The following SSPN variants were observed in gnomAD, a reference collection of about 807,000 sequenced individuals.
SSPN encodes sarcospan.
SSPN carries 15 observed loss-of-function variants against 19.1 expected under a neutral mutation model. The ratio of observed to expected loss-of-function variants is 0.78; its 90% CI spans 0.52 to 1.21. The LOEUF is 1.21. Among genes scored for constraint, SSPN ranks in the 50% most tolerant of loss-of-function variants. SSPN has a pLI of 0.00. For synonymous variants in SSPN, 147 were observed against 140.3 expected, an observed-to-expected ratio of 1.05 and a Z score of -0.34; for missense variants, 291 against 314.0, an observed-to-expected ratio of 0.93 and a Z score of 0.55.
rs1380318881 is a variant in SSPN, at chr12:26,231,849, A to G, written c.*773A>G. The G allele has an allele frequency of 3.9e-6, 3 of 776,406 alleles. No individual in the cohort carries two copies. The highest frequency in any genetic ancestry group is 4.7e-6 in the Non-Finnish European group (3 of 639,428). The allele number at this position is 776,406 out of a possible 1,614,324, so 48.1% of individuals were successfully genotyped here. A position where few individuals can be genotyped will look rare whatever the true frequency, so the allele number is the denominator to read the frequency against. Reference sequence around the variant, plus strand: ...ATTCTATCATCTAAAACAAATCATTAAAACTAATTTCTAGCTAATTGTTAA... The same window carrying G: ...ATTCTATCATCTAAAACAAATCATTGAAACTAATTTCTAGCTAATTGTTAA... On this transcript the variant is annotated 3_prime_UTR_variant, in exon 3 of 3. Transcript: ENST00000242729.
At position 26,171,762 on chromosome 12, in the gene SSPN, A is replaced by G. The variant is rs1591860421; in HGVS notation, c.-31+49610A>G. 2.0e-5 allele frequency among the ~76,000 whole-genome samples: 3 copies of G among 152,244 alleles called. No homozygotes were observed. In the South Asian group the frequency reaches 6.2e-4, roughly 31 times the overall value. ...TTTAATACAATAAGTATCAATAGAT[A>G]TAATTCACATAAACAAAATATCTTT... On this transcript the variant is annotated intron_variant, in intron 1 of 2. Transcript: ENST00000538142.
At chr12:26,122,988 G>C in intron 1 of SSPN, 1 of 1,566,012 alleles carries the variant, frequency 6.4e-7, no homozygotes, top group African/African-American at 1.4e-5. Context: ...CAGCTGCGGG[G>C]TGGGCAAGAA....
In SSPN at chr12:26,231,200, A is replaced by ATT; in HGVS notation, c.*128_*129dup. ...ATAAAAGTCACTCTTCTAATTGAAT[A>ATT]TTTTTATATTTTTATGAAACAAAAG... On this transcript the variant is annotated 3_prime_UTR_variant, in exon 3 of 3. Transcript: ENST00000242729. 7.9e-7 allele frequency: 1 copy of ATT among 1,260,578 alleles called. No homozygotes were observed. The highest frequency in any genetic ancestry group is 3.1e-5 in the Admixed American group (1 of 31,852). 78.1% of individuals were successfully genotyped at this position (1,260,578 alleles called of 1,614,324 possible).
intron 1 of SSPN, among the ~76,000 whole-genome samples, chr12:26,215,969 G>A (rs574502633): frequency 6.6e-6 from 1 of 152,274 alleles, no homozygotes; most frequent in East Asian, 1.9e-4. Context: ...TGTATATCTA[G>A]CCTTTTACAT....
At position 26,213,268 on chromosome 12, in the gene SSPN, A is replaced by G. The variant is rs189175906; in HGVS notation, c.280-11025A>G. Among the ~76,000 whole-genome samples the G allele has an allele frequency of 2.3e-3, 324 of 140,468 alleles. 1 individual carries two copies. In the South Asian group the frequency reaches 0.025, roughly 11 times the overall value. 92.2% of individuals were successfully genotyped at this position (140,468 alleles called of 152,430 possible). A position where few individuals can be genotyped will look rare whatever the true frequency, so the allele number is the denominator to read the frequency against. Reference sequence around the variant, plus strand: ...GATTATATATAGGTTTGTAACAGAAATAAAAAGAGTCAGGAAAAGAAGTTT... The same window carrying G: ...GATTATATATAGGTTTGTAACAGAAGTAAAAAGAGTCAGGAAAAGAAGTTT... On this transcript the variant is annotated intron_variant, in intron 1 of 2. Transcript: ENST00000242729.
intron 1 of SSPN, among the ~76,000 whole-genome samples, chr12:26,207,196 G>T (rs1036695144): frequency 4.4e-4 from 67 of 152,144 alleles, no homozygotes; most frequent in Non-Finnish European, 1.8e-4. Flanking sequence ...AAAAATATTT[G>T]GTAATGATTT....
chr12:26,168,142 G>A (rs1163899601), intron 1 of SSPN, among the ~76,000 whole-genome samples: 2 of 150,822 alleles, frequency 1.3e-5, no homozygotes, highest in Admixed American at 1.3e-4. Context: ...GAGCCAGGGA[G>A]GTTGAGTCTG....
chr12:26,177,939 A>G (rs934192319), intron 1 of SSPN, among the ~76,000 whole-genome samples: 3 of 152,156 alleles, frequency 2.0e-5, no homozygotes, highest in Non-Finnish European at 4.4e-5. Context: ...ATATTCTCAT[A>G]TGAATGGTCC....
chr12:26,122,282 CGCGGCGGCG>C (rs909227356), intron 1 of SSPN: 11 of 1,202,354 alleles, frequency 9.1e-6, no homozygotes, highest in Middle Eastern at 3.3e-4. Flanking sequence ...GGCAGGGGAA[CGCGGCGGCG>C]GCGGCGGCAG....
chr12:26,176,725 C>T (rs1438659617), intron 1 of SSPN, among the ~76,000 whole-genome samples: 3 of 152,200 alleles, frequency 2.0e-5, no homozygotes, highest in Non-Finnish European at 2.9e-5. Context: ...ATGGGAACAT[C>T]GTCTCCCCCA....
intron 1 of SSPN, chr12:26,181,309 G>A (rs755095808): frequency 2.6e-5 from 4 of 152,026 alleles, no homozygotes; most frequent in Non-Finnish European, 5.9e-5. Flanking sequence ...GTCTTTATCA[G>A]AATTCTGCGT....
rs765608562 is a variant in SSPN at position 26,195,823 on chromosome 12, C to T, written c.151C>T (p.Arg51Trp). The change falls in exon 1 of 3, where the codon CGG (arginine) becomes TGG (tryptophan). Residue 51 changes from arginine (R) to tryptophan (W), a missense_variant. By Grantham distance (101) the Arg-to-Trp change is moderately radical (BLOSUM62 -3). This residue lies in a region of SSPN where 139 missense variants were observed against 119.6 expected (regional missense o/e 1.16). Transcript: ENST00000242729. Reference protein sequence around the residue: ...EEEPRTCCGCRFPLLLALLQL... With the variant: ...EEEPRTCCGCWFPLLLALLQL... ...GGAGCCCCGGACCTGCTGCGGCTGC[C>T]GGTTCCCGCTGCTGCTCGCCCTGCT... is the stretch of plus-strand genomic sequence containing the variant. 2.0e-6 allele frequency: 3 copies of T among 1,537,278 alleles called. No individual in the cohort carries two copies. The highest frequency in any genetic ancestry group is 4.0e-5 in the Admixed American group (2 of 49,760).
chr12:26,205,923 T>C (rs16930329), intron 1 of SSPN, among the ~76,000 whole-genome samples: 22,770 of 152,204 alleles, frequency 0.15, 1,951 homozygotes, highest in South Asian at 0.35. Context: ...AATCTTTCCA[T>C]GAACAAGTAG....
At chr12:26,177,958 A>T (rs527283702) in intron 1 of SSPN, among the ~76,000 whole-genome samples, 13 of 152,304 alleles carry the variant, frequency 8.5e-5, no homozygotes, top group African/African-American at 3.1e-4. Flanking sequence ...CCAAATTGTC[A>T]TTTGACTAAG....
At chr12:26,124,147 T>C (rs370455858) in intron 1 of SSPN, 143 of 1,612,068 alleles carry the variant, frequency 8.9e-5, no homozygotes, top group Non-Finnish European at 1.1e-4. Flanking sequence ...TTCTTTTCTT[T>C]TCTATTAATC....
At chr12:26,178,777 C>G (rs1465259606) in intron 1 of SSPN, among the ~76,000 whole-genome samples, 1 of 152,192 alleles carries the variant, frequency 6.6e-6, no homozygotes. Flanking sequence ...TCTGTTCCCC[C>G]AGCAAGAGCA....
rs116430907 is a variant in SSPN, at chr12:26,123,031, G to A, written c.-31+879G>A. The A allele has an allele frequency of 5.3e-4, 838 of 1,575,154 alleles. 6 individuals are homozygous for A. In the African/African-American group the frequency reaches 0.01, roughly 20 times the overall value. On this transcript the variant is annotated intron_variant, in intron 1 of 2. Coordinates refer to the SSPN transcript ENST00000538142. The stretch of plus-strand genomic sequence containing the variant: ...GCCACGGCGTGCAAGTGGTTGATCA[G>A]CTGGACACACCGCGGCTCCCTGGGT...
intron 1 of SSPN, among the ~76,000 whole-genome samples, chr12:26,176,335 A>T (rs1339188000): frequency 6.6e-6 from 1 of 152,240 alleles, no homozygotes; most frequent in Non-Finnish European, 1.5e-5. Flanking sequence ...ATATTTGATT[A>T]TGTGAGTCAC....
chr12:26,153,062 A>G (rs1426973757), intron 1 of SSPN, among the ~76,000 whole-genome samples: 4 of 152,196 alleles, frequency 2.6e-5, no homozygotes, highest in African/African-American at 9.6e-5. Context: ...CTGAAGTATC[A>G]TCCCCTAAAA....
Sources: gnomAD v4.1 joint callset for allele counts (sites outside exome capture counted in the v4.1 genomes callset) on GRCh38, gnomAD v4.1.1 for gene constraint, gnomAD v4.1.1 regional missense constraint, MANE v1.5 for transcripts, NCBI Gene and HGNC (gene_info 2026-07-23, HGNC 2026-07-21) for gene names.